SWT1: variants seen among roughly 807,000 people sequenced by gnomAD.
SWT1 encodes the protein transcriptional protein SWT1.
SWT1 carries 33 observed loss-of-function variants against 107.3 expected under a neutral mutation model. The observed-to-expected ratio is 0.31, with a 90% confidence interval of 0.23 to 0.41. The LOEUF (loss-of-function observed/expected upper bound fraction) is 0.41. Among genes scored for constraint, SWT1 ranks in the 10% least tolerant of loss-of-function variants. The probability of loss-of-function intolerance (pLI) is 1.00; values close to 1 mark genes in which losing one functional copy is unlikely to be tolerated. For missense variants in SWT1, 898 were observed against 1,028.9 expected (o/e 0.87, Z 1.74); for synonymous variants, 345 against 348.3 (o/e 0.99, Z 0.11).
intron 4 of SWT1, among the ~76,000 whole-genome samples, chr1:185,172,237 T>C (rs144782369): frequency 6.6e-6 from 1 of 152,374 alleles, no homozygotes; most frequent in East Asian, 1.9e-4. Flanking sequence ...CAGGAAAATA[T>C]AATTATCACC....
intron 10 of SWT1, among the ~76,000 whole-genome samples, chr1:185,201,855 C>T (rs1436818720): frequency 2.6e-5 from 4 of 152,136 alleles, no homozygotes; most frequent in African/African-American, 4.8e-5. Context: ...TTGTAGTTCT[C>T]GCTATGCATT....
At chr1:185,163,958 A>T (rs1031723134) in intron 2 of SWT1, among the ~76,000 whole-genome samples, 2 of 152,226 alleles carry the variant, frequency 1.3e-5, no homozygotes, top group Non-Finnish European at 1.5e-5. Flanking sequence ...GATCCATCAG[A>T]GGAATCACTG....
intron 7 of SWT1, among the ~76,000 whole-genome samples, 178 bp from the exon 8 acceptor site, chr1:185,184,065 G>A (rs1308552237): frequency 2.0e-5 from 3 of 152,170 alleles, no homozygotes; most frequent in Non-Finnish European, 2.9e-5. Context: ...ACAAGGATAC[G>A]GGCCGGATAG....
chr1:185,181,945 G>T lies in SWT1; in HGVS notation c.1027-1G>T. 6.2e-7 allele frequency: 1 copy of T among 1,613,712 alleles called. No individual in the cohort carries two copies. Among genetic ancestry groups the T allele is most frequent in the Non-Finnish European group, 8.5e-7 (1 of 1,179,872 alleles). On this transcript the variant is annotated splice_acceptor_variant, in intron 6 of 18. Transcript: ENST00000367500. LOFTEE classifies it high-confidence loss of function. ...TTTCACTGGGGTCTTTTACACTTTA[G>T]ATGCAGATAGTAGAAGAGCTTCATG...
chr1:185,190,658 A>C lies in SWT1; in HGVS notation c.1523+16A>C, dbSNP rs749447925. 1.4e-6 allele frequency: 2 copies of C among 1,458,426 alleles called. No homozygotes were observed. The highest frequency in any genetic ancestry group is 1.9e-6 in the Non-Finnish European group (2 of 1,050,764). The allele number at this position is 1,458,426 out of a possible 1,614,324, so 90.3% of individuals were successfully genotyped here. A position where few individuals can be genotyped will look rare whatever the true frequency, so the allele number is the denominator to read the frequency against. ...TTCTGTGCACGTGAGTTTCATAGTC[A>C]TTTGACTTTTTATTTTTAAAAAATA... On this transcript the variant is annotated intron_variant, in intron 10 of 18. Transcript: ENST00000367500.
In SWT1 at chr1:185,204,794, T is replaced by A; in HGVS notation, c.1764T>A (p.Ser588=). ...LESIVSDLEK[S]LGTGLSSILE... is the part of the protein sequence containing the mutation. ...GCATTGTATCTGATCTTGAAAAATC[T>A]CTTGGAACAGGTTTATCTTCAATAT... Residue 588 remains serine, a synonymous_variant, in exon 12 of 19, where the codon TCT becomes TCA. Transcript: ENST00000367500. 2 of 1,595,260 alleles carry A rather than the reference T, an allele frequency of 1.3e-6. No individual in the cohort carries two copies. Among genetic ancestry groups the A allele is most frequent in the Non-Finnish European group, 1.7e-6 (2 of 1,171,900 alleles).
At chr1:185,177,839 C>T (rs529569653) in intron 5 of SWT1, among the ~76,000 whole-genome samples, 6 of 152,200 alleles carry the variant, frequency 3.9e-5, no homozygotes, top group South Asian at 2.1e-4. Context: ...TATAGTTTAT[C>T]GGCTACTTTT....
chr1:185,222,579 A>G (rs1334534337), intron 15 of SWT1, among the ~76,000 whole-genome samples: 1 of 151,846 alleles, frequency 6.6e-6, no homozygotes, highest in Non-Finnish European at 1.5e-5. Context: ...CAACATGGTG[A>G]AACCCCATCT....
chr1:185,172,315 T>G (rs185440176), intron 4 of SWT1, among the ~76,000 whole-genome samples: 5 of 152,364 alleles, frequency 3.3e-5, no homozygotes, highest in African/African-American at 1.2e-4. Context: ...TTTAAGATGT[T>G]GAGACCATAT....
chr1:185,263,284 CA>C (rs143579971), intron 16 of SWT1: 21 of 147,562 alleles, frequency 1.4e-4, no homozygotes, highest in African/African-American at 2.7e-4. Flanking sequence ...TACCCAGTAA[CA>C]AAAAAAAAAG....
chr1:185,221,775 C>T, intron 14 of SWT1, 74 bp from the exon 15 acceptor site: 6 of 1,024,030 alleles, frequency 5.9e-6, no homozygotes, highest in Non-Finnish European at 8.3e-6. Flanking sequence ...CATTTGTAAG[C>T]ACAGTTGCCA....
intron 10 of SWT1, among the ~76,000 whole-genome samples, chr1:185,197,927 CTCTA>C (rs1324404357): frequency 6.6e-6 from 1 of 152,020 alleles, no homozygotes; most frequent in African/African-American, 2.4e-5. Context: ...TTTTTTGTGT[CTCTA>C]TCTCCTTCAG....
chr1:185,174,946 A>C lies in SWT1; in HGVS notation c.799A>C (p.Arg267=). 6.2e-7 allele frequency: 1 copy of C among 1,613,898 alleles called. No individual in the cohort carries two copies. Among genetic ancestry groups the C allele is most frequent in the South Asian group, 1.1e-5 (1 of 90,964 alleles). ...SNNSKTKQEE[R]EYLESSQVSL... is the part of the protein sequence containing the mutation. ...TAATTCGAAGACTAAGCAGGAAGAA[A>C]GAGAATACCTGGAAAGCTCCCAGGT... is the stretch of plus-strand genomic sequence containing the variant. Residue 267 remains arginine, a synonymous_variant, in exon 5 of 19, where the codon AGA becomes CGA. Transcript: ENST00000367500.
At chr1:185,163,813 C>G (rs919368915) in intron 2 of SWT1, among the ~76,000 whole-genome samples, 1 of 152,202 alleles carries the variant, frequency 6.6e-6, no homozygotes, top group African/African-American at 2.4e-5. Context: ...CAAAGTCATT[C>G]ATGAGGTTTG....
intron 9 of SWT1, among the ~76,000 whole-genome samples, chr1:185,186,293 C>T (rs2102392842): frequency 6.6e-6 from 1 of 152,146 alleles, no homozygotes; most frequent in East Asian, 1.9e-4. Flanking sequence ...TACTCTCTCC[C>T]AACCCACTAG....
chr1:185,182,000 C>T lies in SWT1; in HGVS notation c.1081C>T (p.Pro361Ser). The T allele has an allele frequency of 6.2e-7, 1 of 1,613,712 alleles. No individual in the cohort carries two copies. The highest frequency in any genetic ancestry group is 8.5e-7 in the Non-Finnish European group (1 of 1,179,816). Residue 361 changes from proline to serine, a missense_variant, in exon 7 of 19, where the codon CCT becomes TCT. By Grantham distance (74) the Pro-to-Ser change is moderately conservative. This residue lies in a region of SWT1 where 94 missense variants were observed against 114.5 expected (regional missense o/e 0.82). Coordinates refer to ENST00000367500, the MANE Select transcript of SWT1 (RefSeq NM_017673.7). ...AARVGKSVDL[P>S]GELMSMEIDL... is the part of the protein sequence containing the mutation. Reference sequence around the variant, plus strand: ...ACGTGTGGGAAAAAGTGTGGATTTACCTGGAGAGTTAATGAGTATGGAAAT... The same window carrying T: ...ACGTGTGGGAAAAAGTGTGGATTTATCTGGAGAGTTAATGAGTATGGAAAT...
chr1:185,231,853 G>A (rs981325176), intron 16 of SWT1, 145 bp downstream of exon 16: 12 of 588,726 alleles, frequency 2.0e-5, no homozygotes, highest in Non-Finnish European at 3.2e-5. Context: ...TTCTTTTGTG[G>A]CACTAAAGGA....
intron 16 of SWT1, among the ~76,000 whole-genome samples, chr1:185,257,500 C>G (rs1219745757): frequency 6.6e-6 from 1 of 152,154 alleles, no homozygotes; most frequent in African/African-American, 2.4e-5. Flanking sequence ...GTTTTTTAAG[C>G]CGGTCGGAAA....
At chr1:185,175,594 G>T (rs1215803497) in intron 5 of SWT1, among the ~76,000 whole-genome samples, 1 of 152,134 alleles carries the variant, frequency 6.6e-6, no homozygotes, top group Admixed American at 6.5e-5. Context: ...ATGAAGATAT[G>T]TGTTGGTTTC....
Sources: gnomAD v4.1 joint callset for allele counts (sites outside exome capture counted in the v4.1 genomes callset) on GRCh38, gnomAD v4.1.1 for gene constraint, gnomAD v4.1.1 regional missense constraint, MANE v1.5 for transcripts, NCBI Gene and HGNC (gene_info 2026-07-23, HGNC 2026-07-21) for gene names.